CERCAM: variants seen among roughly 807,000 people sequenced by gnomAD.
CERCAM encodes the protein inactive glycosyltransferase 25 family member 3.
CERCAM carries 59 observed loss-of-function variants against 66.0 expected under a neutral mutation model. The observed-to-expected ratio is 0.89, with a 90% CI of 0.73 to 1.11. The LOEUF (loss-of-function observed/expected upper bound fraction) is 1.11. CERCAM is among the 50% of genes most tolerant of loss of function. The pLI, the probability that CERCAM is intolerant of heterozygous loss-of-function variation, is 0.00. For synonymous variants in CERCAM, 318 were observed against 343.6 expected (o/e 0.93, Z 0.83); for missense variants, 840 against 828.3 (o/e 1.01, Z -0.17).
intron 11 of CERCAM, among the ~76,000 whole-genome samples, chr9:128,435,426 G>A (rs569312002): frequency 2.6e-5 from 4 of 152,146 alleles, no homozygotes; most frequent in Non-Finnish European, 4.4e-5. Flanking sequence ...GAGCCACTGC[G>A]CTCGGCTGCA....
rs754867083 is a variant in CERCAM at position 128,422,927 on chromosome 9, C to T, written c.257C>T (p.Ala86Val). Residue 86 changes from alanine (A) to valine (V), a missense_variant, in exon 2 of 13, where the codon GCT becomes GTT. Ala to Val is a moderately conservative substitution (Grantham distance 64). Coordinates refer to ENST00000372838, the MANE Select transcript of CERCAM (RefSeq NM_016174.5). Reference protein sequence around the residue: ...TTEMLQEWLAAVGDDYAAVVW... With the variant: ...TTEMLQEWLAVVGDDYAAVVW... ...GAGATGCTGCAGGAGTGGCTGGCGG[C>T]TGTGGGCGATGACTATGCTGCTGTG... 1.9e-6 allele frequency: 3 copies of T among 1,613,106 alleles called. No individual in the cohort carries two copies. The highest frequency in any genetic ancestry group is 2.5e-6 in the Non-Finnish European group (3 of 1,179,908).
At chr9:128,426,296 CAG>C (rs374856577) in intron 5 of CERCAM, among the ~76,000 whole-genome samples, 14 of 151,760 alleles carry the variant, frequency 9.2e-5, no homozygotes, top group Admixed American at 7.9e-4. Flanking sequence ...TGAAAAAAAA[CAG>C]AGAGTAAGAA....
At chr9:128,435,265 G>A (rs1834080877) in intron 11 of CERCAM, among the ~76,000 whole-genome samples, 3 of 152,116 alleles carry the variant, frequency 2.0e-5, no homozygotes, top group South Asian at 2.1e-4. Context: ...CCAAAGTGCC[G>A]GGATTACAGG....
intron 9 of CERCAM, among the ~76,000 whole-genome samples, chr9:128,432,348 C>G (rs1307884781): frequency 6.7e-6 from 1 of 149,842 alleles, no homozygotes; most frequent in Non-Finnish European, 1.5e-5. Context: ...TTTACCGTCC[C>G]TGAACAAATT....
intron 5 of CERCAM, 151 bp from the exon 6 acceptor site, chr9:128,428,151 C>T (rs941412342): frequency 1.3e-5 from 11 of 855,298 alleles, no homozygotes; most frequent in Admixed American, 2.9e-5. Context: ...GTGAGCCAAG[C>T]CCTTTCTCCC....
intron 6 of CERCAM, 63 bp downstream of exon 6, chr9:128,428,484 C>T: frequency 6.3e-7 from 1 of 1,593,528 alleles, no homozygotes; most frequent in Non-Finnish European, 8.6e-7. Flanking sequence ...CCACGGTGCC[C>T]CTTTCCCTAG....
rs1480261034 is a variant in CERCAM, at chr9:128,429,067, C to G, written c.1070+31C>G. 3 of 1,503,614 alleles carry G rather than the reference C, an allele frequency of 2.0e-6. No individual in the cohort carries two copies. The African/African-American group carries it at 4.1e-5, about 21-fold the overall frequency. The allele number at this position is 1,503,614 out of a possible 1,614,324, so 93.1% of individuals were successfully genotyped here. ...CCTGCCTGGTGGGGGGGGCCCTGTG[C>G]GCTTGGGGAAGCAGTGTGGTCCATC... is the stretch of plus-strand genomic sequence containing the variant. On this transcript the variant is annotated intron_variant, in intron 8 of 12. Transcript: ENST00000372838.
chr9:128,424,882 C>T (rs1833805626), intron 5 of CERCAM, among the ~76,000 whole-genome samples: 1 of 151,390 alleles, frequency 6.6e-6, no homozygotes, highest in South Asian at 2.1e-4. Flanking sequence ...CCACCACACC[C>T]AGCTAATTTT....
At chr9:128,423,104 G>A (rs1833749170) in intron 2 of CERCAM, 42 bp from the exon 3 acceptor site, 11 of 1,611,354 alleles carry the variant, frequency 6.8e-6, no homozygotes, top group Non-Finnish European at 8.5e-6. Context: ...AGAGAGGGAG[G>A]GGCATGTACC....
intron 5 of CERCAM, among the ~76,000 whole-genome samples, chr9:128,425,206 A>G (rs1372558521): frequency 6.6e-6 from 1 of 150,912 alleles, no homozygotes; most frequent in Non-Finnish European, 1.5e-5. Flanking sequence ...ACAGGCGCCC[A>G]CCACCACGCC....
Position 128,435,716 on chromosome 9 carries a change from C to A in CERCAM, c.1599C>A (p.Leu533=), listed in dbSNP as rs1169341368. Residue 533 remains leucine (L), a synonymous_variant, in exon 12 of 13, where the codon CTC becomes CTA. Coordinates refer to ENST00000372838, the MANE Select transcript of CERCAM (RefSeq NM_016174.5). ...TGGCCTTCTCCGCCCAGCCCCTGCT[C>A]GCTGCCCCTACCCACTATGCCGGGG... is the stretch of plus-strand genomic sequence containing the variant. ...DLVAFSAQPL[L]AAPTHYAGDA... The A allele has an allele frequency of 6.2e-7, 1 of 1,613,612 alleles. No individual in the cohort carries two copies. The highest frequency in any genetic ancestry group is 8.5e-7 in the Non-Finnish European group (1 of 1,179,906).
At chr9:128,427,965 C>A (rs1341203148) in intron 5 of CERCAM, among the ~76,000 whole-genome samples, 1 of 152,056 alleles carries the variant, frequency 6.6e-6, no homozygotes, top group African/African-American at 2.4e-5. Context: ...CAGTGGGGCT[C>A]ACTGGCACCC....
intron 1 of CERCAM, 139 bp downstream of exon 1, chr9:128,421,213 C>G: frequency 3.2e-6 from 4 of 1,236,522 alleles, no homozygotes; most frequent in Non-Finnish European, 4.0e-6. Context: ...GACGGCCCTG[C>G]CAGCCCGAGC....
intron 6 of CERCAM, 83 bp downstream of exon 6, chr9:128,428,504 G>A (rs993683250): frequency 2.0e-5 from 30 of 1,529,962 alleles, no homozygotes; most frequent in Admixed American, 5.7e-5. Context: ...GGCCCTGGAC[G>A]GAGCGGGCAT....
At chr9:128,436,631 C>T (rs767583995) in intron 12 of CERCAM, among the ~76,000 whole-genome samples, 6 of 152,074 alleles carry the variant, frequency 3.9e-5, no homozygotes, top group East Asian at 1.9e-4. Context: ...CCAGCCGTCT[C>T]GGTCTCCCAA....
At chr9:128,433,940 G>A (rs576310927) in intron 9 of CERCAM, among the ~76,000 whole-genome samples, 162 bp from the exon 10 acceptor site, 2 of 152,370 alleles carry the variant, frequency 1.3e-5, no homozygotes, top group East Asian at 3.9e-4. Flanking sequence ...GAGCGAGGTT[G>A]GGATTTCCGG....
chr9:128,427,095 G>A (rs1040134003), intron 5 of CERCAM, among the ~76,000 whole-genome samples: 15 of 152,068 alleles, frequency 9.9e-5, no homozygotes, highest in African/African-American at 3.4e-4. Flanking sequence ...CTGGGAATAG[G>A]GTTAGCTTTT....
Position 128,428,795 on chromosome 9 carries a change from C to T in CERCAM, c.925C>T (p.Arg309Trp), listed in dbSNP as rs780903439. 3.1e-6 allele frequency: 5 copies of T among 1,613,970 alleles called. No individual in the cohort carries two copies. Among genetic ancestry groups the T allele is most frequent in the Non-Finnish European group, 4.2e-6 (5 of 1,180,000 alleles). Residue 309 changes from arginine (R) to tryptophan (W), a missense_variant, in exon 7 of 13, where the codon CGG becomes TGG. By Grantham distance (101) the Arg-to-Trp change is moderately radical. Transcript: ENST00000372838. ...CATGCAGGCCTCAGCTCATGTGACT[C>T]GGCCCTCTAAGAGGCCCAGCAAGAT... The part of the protein sequence containing the change: ...PRMQASAHVT[R>W]PSKRPSKIGF...
intron 8 of CERCAM, among the ~76,000 whole-genome samples, chr9:128,430,045 C>T (rs1238547970): frequency 1.3e-5 from 2 of 152,034 alleles, no homozygotes; most frequent in African/African-American, 2.4e-5. Context: ...CTCAAGTGAC[C>T]GTCCTGCCTC....
Sources: allele counts gnomAD v4.1 joint callset (sites outside exome capture counted in the v4.1 genomes callset), GRCh38; gene constraint gnomAD v4.1.1; transcripts MANE v1.5; gene names NCBI Gene and HGNC (gene_info 2026-07-23, HGNC 2026-07-21).